The following PARD3B variants were observed in gnomAD, a reference collection of about 807,000 sequenced individuals.
PARD3B encodes par-3 family cell polarity regulator beta, also known as partitioning defective 3 homolog B.
PARD3B carries 103 observed loss-of-function variants against 130.2 expected under a neutral mutation model. That is an observed-to-expected ratio of 0.79 (90% CI 0.67 to 0.93). The LOEUF (loss-of-function observed/expected upper bound fraction) is 0.93. Among genes scored for constraint, PARD3B ranks in the 40% least tolerant of loss-of-function variants. The probability of loss-of-function intolerance (pLI) is 0.00; values close to 1 mark genes in which losing one functional copy is unlikely to be tolerated. For synonymous variants in PARD3B, 583 were observed against 553.2 expected (o/e 1.05, Z -0.76); for missense variants, 1,609 against 1,499.2 (o/e 1.07, Z -1.21).
In PARD3B at chr2:204,943,828, A is replaced by G. The variant is rs1442040526; in HGVS notation, c.223-21324A>G. ...GCAAATTAGGGAGACTGAGGCAACA[A>G]AGTTATATATAACACTAGAAAACTG... On this transcript the variant is annotated intron_variant, in intron 2 of 22. Coordinates refer to ENST00000406610, the MANE Select transcript of PARD3B (RefSeq NM_001302769.2). This position sits in a 1 kb window ranked among gnomAD's most constrained non-coding sequence, Gnocchi z 4.2. 6.6e-6 allele frequency among the ~76,000 whole-genome samples: 1 copy of G among 152,188 alleles called. No individual in the cohort carries two copies. The highest frequency in any genetic ancestry group is 2.4e-5 in the African/African-American group (1 of 41,458).
intron 18 of PARD3B, among the ~76,000 whole-genome samples, chr2:205,382,448 A>G (rs1172851528): frequency 1.3e-5 from 2 of 152,120 alleles, no homozygotes; most frequent in Non-Finnish European, 2.9e-5. Context: ...TCATTAAGCC[A>G]TGTCCGCTGG....
intron 2 of PARD3B, among the ~76,000 whole-genome samples, chr2:204,884,195 A>G (rs549125599): frequency 3.9e-5 from 6 of 152,224 alleles, no homozygotes; most frequent in Non-Finnish European, 7.3e-5. Context: ...TATTGTCGCC[A>G]GTGAGAGAAG....
intron 10 of PARD3B, among the ~76,000 whole-genome samples, chr2:205,156,340 C>T (rs992694537): frequency 4.6e-5 from 7 of 151,020 alleles, no homozygotes; most frequent in Admixed American, 1.3e-4. Context: ...TGCAGCACAC[C>T]AGCATGGCAC....
At chr2:205,255,139 A>G (rs1054070560) in intron 16 of PARD3B, among the ~76,000 whole-genome samples, 1 of 151,362 alleles carries the variant, frequency 6.6e-6, no homozygotes, top group African/African-American at 2.4e-5. Flanking sequence ...CCCCAGCTGA[A>G]CTCTTGAAGA....
At chr2:204,968,439 G>A (rs549345813) in intron 3 of PARD3B, among the ~76,000 whole-genome samples, 1 of 152,284 alleles carries the variant, frequency 6.6e-6, no homozygotes, top group South Asian at 2.1e-4. Context: ...CTTCCAGGAT[G>A]TAATACTTAT....
At chr2:204,734,932 T>C (rs115461932) in intron 2 of PARD3B, among the ~76,000 whole-genome samples, 2,634 of 152,008 alleles carry the variant, frequency 0.017, 34 homozygotes, top group Middle Eastern at 0.071. Context: ...AGGACCATAG[T>C]GGTATTTGAG....
chr2:204,903,636 A>T (rs1487316088), intron 2 of PARD3B, among the ~76,000 whole-genome samples: 1 of 152,138 alleles, frequency 6.6e-6, no homozygotes, highest in Non-Finnish European at 1.5e-5. Flanking sequence ...AAATTTCCTC[A>T]TTCTCTTTTT....
intron 3 of PARD3B, among the ~76,000 whole-genome samples, chr2:204,990,415 C>CT (rs1344421834): frequency 6.6e-6 from 1 of 152,052 alleles, no homozygotes; most frequent in African/African-American, 2.4e-5. Context: ...TGAATATTCT[C>CT]TTTTAGCTAT....
intron 2 of PARD3B, among the ~76,000 whole-genome samples, chr2:204,800,559 A>G (rs1324794813): frequency 1.3e-5 from 2 of 152,172 alleles, no homozygotes; most frequent in African/African-American, 4.8e-5. Context: ...GATTTAGTCC[A>G]AAAACGACCT....
chr2:204,990,784 C>A (rs1693601427), intron 3 of PARD3B, among the ~76,000 whole-genome samples: 1 of 152,130 alleles, frequency 6.6e-6, no homozygotes, highest in South Asian at 2.1e-4. Context: ...TTTAAGAAAT[C>A]TTTCCCTACC....
intron 1 of PARD3B, among the ~76,000 whole-genome samples, chr2:204,616,152 T>C (rs565784851): frequency 6.6e-6 from 1 of 152,288 alleles, no homozygotes; most frequent in South Asian, 2.1e-4. Context: ...AATTTCTGTT[T>C]TGTGAAACAC....
intron 4 of PARD3B, among the ~76,000 whole-genome samples, chr2:205,066,330 G>A (rs1015000246): frequency 6.6e-6 from 1 of 152,146 alleles, no homozygotes; most frequent in South Asian, 2.1e-4. Flanking sequence ...TGGTAATACA[G>A]TTAAGATAGG....
At chr2:205,141,531 A>G (rs2032952674) in intron 10 of PARD3B, among the ~76,000 whole-genome samples, 1 of 152,180 alleles carries the variant, frequency 6.6e-6, no homozygotes, top group South Asian at 2.1e-4. Flanking sequence ...GATTTACTCC[A>G]CCCCATATCA....
intron 2 of PARD3B, among the ~76,000 whole-genome samples, chr2:204,688,838 C>A (rs2037216781): frequency 6.6e-6 from 1 of 152,070 alleles, no homozygotes; most frequent in African/African-American, 2.4e-5. Flanking sequence ...CACCTGTTTG[C>A]AAATTGGCTA....
intron 15 of PARD3B, among the ~76,000 whole-genome samples, chr2:205,220,727 A>T (rs2038192214): frequency 6.6e-6 from 1 of 152,178 alleles, no homozygotes; most frequent in Non-Finnish European, 1.5e-5. Context: ...TGGCGATGGG[A>T]GGACCTCTCT....
chr2:204,934,371 T>C (rs535891095), intron 2 of PARD3B, among the ~76,000 whole-genome samples: 1 of 152,336 alleles, frequency 6.6e-6, no homozygotes, highest in Admixed American at 6.5e-5. Context: ...TGAACACTGC[T>C]AGTTTCGGGG....
chr2:204,798,963 T>C (rs1377549718), intron 2 of PARD3B, among the ~76,000 whole-genome samples: 3 of 151,900 alleles, frequency 2.0e-5, no homozygotes, highest in Admixed American at 2.0e-4. Context: ...CCGCCTTTCT[T>C]GGCCACAGGG....
chr2:204,794,567 T>A, intron 2 of PARD3B, among the ~76,000 whole-genome samples: 1 of 152,194 alleles, frequency 6.6e-6, no homozygotes, highest in East Asian at 1.9e-4. Flanking sequence ...GGCACTATTA[T>A]ATGGTCTTCC....
intron 2 of PARD3B, among the ~76,000 whole-genome samples, chr2:204,865,771 A>G (rs970579657): frequency 6.6e-6 from 1 of 152,240 alleles, no homozygotes; most frequent in Non-Finnish European, 1.5e-5. Flanking sequence ...CCTGTTCCCC[A>G]AAAACCTATT....
Sources: gnomAD v4.1 joint callset for allele counts (sites outside exome capture counted in the v4.1 genomes callset) on GRCh38, gnomAD v4.1.1 for gene constraint, Gnocchi (gnomAD v3.1) non-coding constraint, MANE v1.5 for transcripts, NCBI Gene and HGNC (gene_info 2026-07-23, HGNC 2026-07-21) for gene names.